PLEKHD1: variants seen among roughly 807,000 people sequenced by gnomAD.
The protein encoded by PLEKHD1 is pleckstrin homology and coiled-coil domain containing D1.
PLEKHD1 carries 51 observed loss-of-function variants against 69.2 expected under a neutral mutation model. The observed-to-expected ratio is 0.74, with a 90% CI of 0.59 to 0.93. The LOEUF (loss-of-function observed/expected upper bound fraction) is 0.93, where lower values mean the gene tolerates loss of function less well. PLEKHD1 is among the 40% of genes least tolerant of loss of function. The pLI is 0.00. For synonymous variants in PLEKHD1, 236 were observed against 244.7 expected (o/e 0.96, Z 0.33); for missense variants, 584 against 641.0 (o/e 0.91, Z 0.96).
At chr14:69,482,956 G>A (rs1173039317), upstream of PLEKHD1, among the ~76,000 whole-genome samples, 1 of 151,858 alleles carries the variant, frequency 6.6e-6, no homozygotes, top group African/African-American at 2.4e-5. Context: ...AGAAAAGCAG[G>A]GCTCCTAAAG....
intron 6 of PLEKHD1, among the ~76,000 whole-genome samples, chr14:69,505,762 T>G (rs112476739): frequency 0.012 from 1,772 of 152,312 alleles, 25 homozygotes; most frequent in African/African-American, 0.04. Flanking sequence ...CCTGACATCC[T>G]CCATGCAGCA....
At chr14:69,488,969 C>T (rs950802006) in intron 1 of PLEKHD1, among the ~76,000 whole-genome samples, 2 of 151,914 alleles carry the variant, frequency 1.3e-5, no homozygotes, top group Admixed American at 6.6e-5. Flanking sequence ...GGGAGATGGG[C>T]ACACTCTCTG....
chr14:69,500,348 AC>A, intron 2 of PLEKHD1, 140 bp downstream of exon 2: 1 of 785,710 alleles, frequency 1.3e-6, no homozygotes, highest in Non-Finnish European at 2.0e-6. Flanking sequence ...GGGGCAAAAG[AC>A]CCCCTGCCCC....
intron 12 of PLEKHD1, 106 bp from the exon 13 acceptor site, chr14:69,528,144 C>G (rs747838407): frequency 2.1e-6 from 3 of 1,445,390 alleles, no homozygotes; most frequent in Non-Finnish European, 2.8e-6. Context: ...CTGGAAGAAG[C>G]TTGGCACACA....
chr14:69,469,815 A>G, the PLEKHD1 span, among the ~76,000 whole-genome samples: 1 of 151,858 alleles, frequency 6.6e-6, no homozygotes, highest in Non-Finnish European at 1.5e-5. Flanking sequence ...TCCGCCTCCC[A>G]GGTTCAGGCA....
At chr14:69,528,118 T>C in intron 12 of PLEKHD1, 132 bp from the exon 13 acceptor site, 1 of 1,398,342 alleles carries the variant, frequency 7.2e-7, no homozygotes, top group Non-Finnish European at 9.7e-7. Flanking sequence ...TGGAAGCCCG[T>C]GTGTGTGGGA....
chr14:69,527,665 C>G, intron 11 of PLEKHD1, 118 bp from the exon 12 acceptor site: 1 of 1,332,278 alleles, frequency 7.5e-7, no homozygotes, highest in Non-Finnish European at 1.0e-6. Context: ...TCTGGAATCT[C>G]GAGGGACGGG....
chr14:69,482,301 G>C (rs913475957), upstream of PLEKHD1, among the ~76,000 whole-genome samples: 3 of 152,202 alleles, frequency 2.0e-5, no homozygotes, highest in Admixed American at 2.0e-4. Flanking sequence ...CAGGTATCCT[G>C]CCTTTCTCTG....
intron 1 of PLEKHD1, among the ~76,000 whole-genome samples, chr14:69,492,320 G>C (rs1882794350): frequency 6.6e-6 from 1 of 152,158 alleles, no homozygotes; most frequent in Non-Finnish European, 1.5e-5. Flanking sequence ...GCCCTGCTTA[G>C]TTGTCACATC....
chr14:69,507,112 G>A (rs962215310), intron 6 of PLEKHD1, among the ~76,000 whole-genome samples: 2 of 151,980 alleles, frequency 1.3e-5, no homozygotes, highest in Non-Finnish European at 1.5e-5. Context: ...GGATGGCCTC[G>A]AACTCCTGAC....
chr14:69,495,983 A>G (rs1281289186), intron 1 of PLEKHD1, among the ~76,000 whole-genome samples: 2 of 152,194 alleles, frequency 1.3e-5, no homozygotes, highest in African/African-American at 2.4e-5. Flanking sequence ...CTTGTTCACA[A>G]CTGTATCTCC....
At chr14:69,475,896 C>T in the PLEKHD1 span, among the ~76,000 whole-genome samples, 5 of 152,152 alleles carry the variant, frequency 3.3e-5, no homozygotes, top group East Asian at 3.9e-4. Context: ...CAAGGCCCAT[C>T]GTGGCCTTAG....
At chr14:69,516,685 CG>C (rs1403513364) in intron 6 of PLEKHD1, among the ~76,000 whole-genome samples, 1 of 151,918 alleles carries the variant, frequency 6.6e-6, no homozygotes, top group Non-Finnish European at 1.5e-5. Context: ...TCCATTTTTG[CG>C]GGGGAGGGTG....
intron 1 of PLEKHD1, among the ~76,000 whole-genome samples, chr14:69,491,798 C>G (rs577711135): frequency 6.6e-6 from 1 of 152,298 alleles, no homozygotes; most frequent in East Asian, 1.9e-4. Flanking sequence ...TTGAGAAAAC[C>G]CTTCTTGGAT....
intron 6 of PLEKHD1, among the ~76,000 whole-genome samples, chr14:69,516,845 A>AT (rs1482384866): frequency 2.6e-5 from 4 of 152,082 alleles, no homozygotes; most frequent in African/African-American, 9.6e-5. Context: ...ATTTTTTTGT[A>AT]TTTTTTGTAG....
Position 69,500,156 on chromosome 14 carries a change from A to T in PLEKHD1, c.191A>T (p.Glu64Val). ...IKESFLLYYS[E>V]SEKKSFETNK... The stretch of plus-strand genomic sequence containing the variant: ...GAGAGCTTTCTGCTTTACTACTCTG[A>T]GAGCGAAAAAAAGAGCTTTGAAACC... The change falls in exon 2 of 13, where the codon GAG (glutamate) becomes GTG (valine). Residue 64 changes from glutamate to valine, a missense_variant. By Grantham distance (121) the Glu-to-Val change is moderately radical. Coordinates refer to ENST00000322564, the MANE Select transcript of PLEKHD1 (RefSeq NM_001161498.2). 1 of 1,551,030 alleles carries T rather than the reference A, an allele frequency of 6.4e-7. No homozygotes were observed. The highest frequency in any genetic ancestry group is 8.7e-7 in the Non-Finnish European group (1 of 1,146,412).
At chr14:69,516,909 G>A (rs1307491630) in intron 6 of PLEKHD1, among the ~76,000 whole-genome samples, 3 of 152,178 alleles carry the variant, frequency 2.0e-5, no homozygotes, top group Admixed American at 1.3e-4. Context: ...GAGCTCAGGC[G>A]ATCCGCCTGT....
the PLEKHD1 span, among the ~76,000 whole-genome samples, chr14:69,476,322 C>T: frequency 6.7e-6 from 1 of 148,372 alleles, no homozygotes; most frequent in Non-Finnish European, 1.5e-5. Context: ...GTAATCCCAG[C>T]AACAGGAGGA....
At chr14:69,475,135 G>A in the PLEKHD1 span, among the ~76,000 whole-genome samples, 33 of 152,340 alleles carry the variant, frequency 2.2e-4, no homozygotes, top group Non-Finnish European at 4.6e-4. Context: ...CTAGTCCAGT[G>A]AACTGCTAAT....
Sources: allele counts gnomAD v4.1 joint callset (sites outside exome capture counted in the v4.1 genomes callset), GRCh38; gene constraint gnomAD v4.1.1; transcripts MANE v1.5; gene names NCBI Gene and HGNC (gene_info 2026-07-23, HGNC 2026-07-21).